Variants in DEPTOR observed in about 807,000 individuals in gnomAD.
The protein encoded by DEPTOR is DEP domain containing MTOR interacting protein, also known as DEP domain-containing mTOR-interacting protein.
DEPTOR carries 41 observed loss-of-function variants against 41.6 expected under a neutral mutation model. The observed-to-expected ratio is 0.98, with a 90% CI of 0.77 to 1.28. The LOEUF is 1.28. DEPTOR is among the 50% of genes most tolerant of loss of function. The pLI, the probability that DEPTOR is intolerant of heterozygous loss-of-function variation, is 0.00. For synonymous variants in DEPTOR, 195 were observed against 192.3 expected (o/e 1.01, Z -0.12); for missense variants, 514 against 527.9 (o/e 0.97, Z 0.26).
chr8:119,879,110 C>CA (rs34236042), intron 1 of DEPTOR, among the ~76,000 whole-genome samples: 74,233 of 147,218 alleles, frequency 0.5, 19,850 homozygotes, highest in East Asian at 0.92. Flanking sequence ...AACTCGGTCT[C>CA]AAAAAAAAAA....
intron 3 of DEPTOR, among the ~76,000 whole-genome samples, chr8:119,956,886 C>G (rs1828425647): frequency 6.6e-6 from 1 of 151,964 alleles, no homozygotes; most frequent in Admixed American, 6.6e-5. Context: ...AGGCACCCAC[C>G]ACCACACCCA....
At chr8:119,901,392 T>C (rs1188106519) in intron 1 of DEPTOR, among the ~76,000 whole-genome samples, 1 of 151,994 alleles carries the variant, frequency 6.6e-6, no homozygotes, top group Non-Finnish European at 1.5e-5. Flanking sequence ...ATATGATAAT[T>C]TCAGCCAGGC....
intron 8 of DEPTOR, among the ~76,000 whole-genome samples, chr8:120,017,296 T>C (rs1753561991): frequency 2.0e-5 from 3 of 152,194 alleles, no homozygotes; most frequent in Admixed American, 2.0e-4. Context: ...ACCCAGCTTA[T>C]CCATTTCCCA....
At chr8:120,049,487 A>G (rs1813199540) in intron 8 of DEPTOR, 89 bp from the exon 9 acceptor site, 2 of 1,404,360 alleles carry the variant, frequency 1.4e-6, no homozygotes, top group South Asian at 3.5e-5. Flanking sequence ...GAATGAAGTT[A>G]CCTGTTAGGG....
chr8:120,042,690 C>T (rs949805160), intron 8 of DEPTOR, among the ~76,000 whole-genome samples: 3 of 146,326 alleles, frequency 2.1e-5, no homozygotes, highest in East Asian at 2.1e-4. Context: ...GGCTAATTTT[C>T]GCATTTTTAG....
At chr8:119,921,475 A>G (rs1827892760) in intron 1 of DEPTOR, among the ~76,000 whole-genome samples, 1 of 152,222 alleles carries the variant, frequency 6.6e-6, no homozygotes, top group Non-Finnish European at 1.5e-5. Context: ...GAAAAAAGAT[A>G]ATAGCACAGT....
chr8:119,964,194 C>T (rs151053363), intron 3 of DEPTOR, among the ~76,000 whole-genome samples: 2,161 of 152,238 alleles, frequency 0.014, 25 homozygotes, highest in Non-Finnish European at 0.024. Context: ...AATGTCATCA[C>T]ATTAGCGACT....
chr8:119,922,359 A>G (rs1563966491), intron 1 of DEPTOR, among the ~76,000 whole-genome samples: 1 of 152,212 alleles, frequency 6.6e-6, no homozygotes, highest in Non-Finnish European at 1.5e-5. Flanking sequence ...AACAAATTAC[A>G]TAGTAGCTTG....
At chr8:119,950,985 A>G (rs912984780) in intron 3 of DEPTOR, among the ~76,000 whole-genome samples, 1 of 152,050 alleles carries the variant, frequency 6.6e-6, no homozygotes, top group African/African-American at 2.4e-5. Flanking sequence ...AGGTGGTAGG[A>G]TTGCTTGAGC....
At chr8:120,036,652 A>G (rs1363575709) in intron 8 of DEPTOR, among the ~76,000 whole-genome samples, 3 of 152,192 alleles carry the variant, frequency 2.0e-5, no homozygotes, top group Non-Finnish European at 2.9e-5. Flanking sequence ...ACTCCTAAGT[A>G]GTGTCCTTGC....
intron 1 of DEPTOR, among the ~76,000 whole-genome samples, chr8:119,885,836 C>G (rs1827357086): frequency 6.6e-6 from 1 of 152,084 alleles, no homozygotes; most frequent in African/African-American, 2.4e-5. Context: ...CTAGCTCTCC[C>G]TCTATCCATC....
At chr8:120,009,991 G>T (rs1218612930) in intron 8 of DEPTOR, among the ~76,000 whole-genome samples, 1 of 152,094 alleles carries the variant, frequency 6.6e-6, no homozygotes, top group Non-Finnish European at 1.5e-5. Flanking sequence ...TTCCTGTGGG[G>T]TTTATGTAAC....
chr8:119,965,294 G>T lies in DEPTOR; in HGVS notation c.488G>T (p.Arg163Leu), dbSNP rs373302616. ...GAGGAGGAAGGGGTCAAGTATGAGCGCACCTTCATGGCATCTGAATTCCTG... is the reference window on the plus strand; with the variant it reads ...GAGGAGGAAGGGGTCAAGTATGAGCTCACCTTCATGGCATCTGAATTCCTG... ...PREEEGVKYE[R>L]TFMASEFLDW... Residue 163 changes from arginine to leucine, a missense_variant, in exon 4 of 9, where the codon CGC becomes CTC. By Grantham distance (102) the Arg-to-Leu change is moderately radical (BLOSUM62 -2). Coordinates refer to ENST00000286234, the MANE Select transcript of DEPTOR (RefSeq NM_022783.4). 2 of 1,614,076 alleles carry T rather than the reference G, an allele frequency of 1.2e-6. No homozygotes were observed. The highest frequency in any genetic ancestry group is 1.7e-6 in the Non-Finnish European group (2 of 1,180,016).
chr8:119,982,629 C>G (rs187593959), intron 4 of DEPTOR, among the ~76,000 whole-genome samples: 5 of 152,300 alleles, frequency 3.3e-5, no homozygotes, highest in Admixed American at 3.3e-4. Context: ...GAGATGCCCC[C>G]AGGTCTAGAA....
intron 3 of DEPTOR, among the ~76,000 whole-genome samples, chr8:119,951,111 T>G (rs1359545332): frequency 4.6e-5 from 7 of 151,844 alleles, no homozygotes; most frequent in African/African-American, 1.2e-4. Context: ...TTTCCCAGAT[T>G]GTCATCAGTT....
chr8:120,002,261 T>C (rs927028699), intron 5 of DEPTOR, among the ~76,000 whole-genome samples: 3 of 152,148 alleles, frequency 2.0e-5, no homozygotes, highest in East Asian at 2.0e-4. Flanking sequence ...TGCCTCAGCC[T>C]CCCAAGTAGC....
intron 8 of DEPTOR, among the ~76,000 whole-genome samples, chr8:120,039,684 G>A (rs1057305366): frequency 2.0e-5 from 3 of 152,084 alleles, no homozygotes; most frequent in African/African-American, 4.8e-5. Flanking sequence ...AAAAGCCTGA[G>A]TCCTTATTCT....
chr8:119,959,720 G>A (rs1828466005), intron 3 of DEPTOR, among the ~76,000 whole-genome samples: 1 of 151,616 alleles, frequency 6.6e-6, no homozygotes, highest in South Asian at 2.1e-4. Context: ...TAGTAGAGAT[G>A]GGGTTTCACT....
Position 120,049,581 on chromosome 8 carries a change from T to G in DEPTOR, c.1107T>G (p.Cys369Trp). Residue 369 changes from cysteine (C) to tryptophan (W), a missense_variant, in exon 9 of 9, where the codon TGT (cysteine) becomes TGG (tryptophan). Transcript: ENST00000286234. ...TCTTTGCATCTTTCCTTTAGGTCTG[T>G]CAGTTTGTCGTCTCTGTCAACGGGC... Reference protein sequence around the residue: ...GPAAAAGMKVCQFVVSVNGLN... With the variant: ...GPAAAAGMKVWQFVVSVNGLN... 6.2e-7 allele frequency: 1 copy of G among 1,613,428 alleles called. No individual in the cohort carries two copies. The highest frequency in any genetic ancestry group is 8.5e-7 in the Non-Finnish European group (1 of 1,179,564).
Sources: gnomAD v4.1 joint callset for allele counts (sites outside exome capture counted in the v4.1 genomes callset) on GRCh38, gnomAD v4.1.1 for gene constraint, MANE v1.5 for transcripts, NCBI Gene and HGNC (gene_info 2026-07-23, HGNC 2026-07-21) for gene names.